ST18: variants seen among roughly 807,000 people sequenced by gnomAD.
ST18 encodes the protein ST18 C2H2C-type zinc finger transcription factor.
Under a neutral mutation model 110.0 loss-of-function variants are expected in ST18, and 50 were observed. The observed-to-expected ratio is 0.45, with a 90% confidence interval of 0.36 to 0.58. ST18 has a LOEUF of 0.58. Ranked by LOEUF, ST18 falls within the 20% of genes least tolerant of loss-of-function variation. ST18 has a pLI of 0.00. For synonymous variants in ST18, 461 were observed against 452.4 expected (o/e 1.02, Z -0.24); for missense variants, 1,306 against 1,280.1 (o/e 1.02, Z -0.31).
At chr8:52,286,247 G>A (rs1016517422) in intron 2 of ST18, among the ~76,000 whole-genome samples, 1 of 152,158 alleles carries the variant, frequency 6.6e-6, no homozygotes, top group Admixed American at 6.5e-5. Flanking sequence ...GGAAGAGTGT[G>A]AGCTTTAAAA....
intron 2 of ST18, among the ~76,000 whole-genome samples, chr8:52,280,315 C>G (rs960732666): frequency 6.6e-6 from 1 of 152,006 alleles, no homozygotes; most frequent in African/African-American, 2.4e-5. Flanking sequence ...GGGGACTAAT[C>G]TTTCTAGTCA....
At chr8:52,312,734 C>G (rs2095943579) in intron 2 of ST18, among the ~76,000 whole-genome samples, 1 of 152,170 alleles carries the variant, frequency 6.6e-6, no homozygotes, top group Admixed American at 6.5e-5. Flanking sequence ...AAATGCCTGG[C>G]CACAAGAAAG....
chr8:52,203,525 T>C (rs2078774732), intron 8 of ST18, among the ~76,000 whole-genome samples: 1 of 152,166 alleles, frequency 6.6e-6, no homozygotes, highest in Non-Finnish European at 1.5e-5. Flanking sequence ...GTCAACATTA[T>C]GGGACACATT....
intron 2 of ST18, among the ~76,000 whole-genome samples, chr8:52,239,588 C>T (rs1278137642): frequency 6.6e-6 from 1 of 150,524 alleles, no homozygotes; most frequent in African/African-American, 2.5e-5. Flanking sequence ...GTTCTAACCC[C>T]ATTATAAAAA....
At chr8:52,311,429 A>T (rs1383172028) in intron 2 of ST18, among the ~76,000 whole-genome samples, 11 of 152,166 alleles carry the variant, frequency 7.2e-5, no homozygotes, top group African/African-American at 2.7e-4. Flanking sequence ...TGCCTGTGAG[A>T]CTTCCCCCTC....
intron 8 of ST18, among the ~76,000 whole-genome samples, chr8:52,209,662 C>T (rs2081377736): frequency 6.6e-6 from 1 of 150,880 alleles, no homozygotes; most frequent in East Asian, 2.0e-4. Flanking sequence ...CCCAGCTACT[C>T]GACAGGCTGA....
chr8:52,216,706 T>G (rs2084370414), intron 6 of ST18, among the ~76,000 whole-genome samples: 1 of 152,216 alleles, frequency 6.6e-6, no homozygotes, highest in African/African-American at 2.4e-5. Context: ...AAATAGGTTT[T>G]GGTTTCTAGA....
At chr8:52,271,917 G>T (rs1047734882) in intron 2 of ST18, among the ~76,000 whole-genome samples, 1 of 152,194 alleles carries the variant, frequency 6.6e-6, no homozygotes, top group Non-Finnish European at 1.5e-5. Flanking sequence ...CCATCAAATC[G>T]AAGAGAGAGC....
At chr8:52,215,459 T>TTCACCTGCAACACTA (rs1401030465) in intron 6 of ST18, among the ~76,000 whole-genome samples, 1 of 152,234 alleles carries the variant, frequency 6.6e-6, no homozygotes, top group Admixed American at 6.5e-5. Context: ...TGTGCATTTT[T>TTCACCTGCAACACTA]TCACCTGCAA....
At chr8:52,194,954 A>T (rs966716479) in intron 8 of ST18, among the ~76,000 whole-genome samples, 1 of 152,244 alleles carries the variant, frequency 6.6e-6, no homozygotes. Context: ...ATACACCAAC[A>T]TTTGAAATAC....
intron 2 of ST18, among the ~76,000 whole-genome samples, chr8:52,272,235 C>A (rs78336033): frequency 0.039 from 5,939 of 151,900 alleles, 412 homozygotes; most frequent in African/African-American, 0.14. Context: ...AAGCTTCTGC[C>A]CAGGAAAGGG....
chr8:52,202,551 C>G (rs1465257995), intron 8 of ST18, among the ~76,000 whole-genome samples: 4 of 152,160 alleles, frequency 2.6e-5, no homozygotes, highest in African/African-American at 9.6e-5. Context: ...AGCTACAATT[C>G]AAAGTAATAA....
At position 52,166,949 on chromosome 8, in the gene ST18, C is replaced by T. The variant is rs139354986; in HGVS notation, c.1107G>A (p.Pro369=). Residue 369 remains proline (P), a synonymous_variant, in exon 11 of 26, where the codon CCG becomes CCA. Coordinates refer to ENST00000689386, the MANE Select transcript of ST18 (RefSeq NM_001352837.2). ...PRPEKRETKC[P]IPGCDGTGHV... is the part of the protein sequence containing the mutation. Reference sequence around the variant, plus strand: ...GTCCCGTGCCATCACATCCAGGGATCGGGCACTTGGTCTCCCTCTTTTCAG... The same window carrying T: ...GTCCCGTGCCATCACATCCAGGGATTGGGCACTTGGTCTCCCTCTTTTCAG... 1.7e-4 allele frequency: 277 copies of T among 1,611,982 alleles called. 1 individual carries two copies. The African/African-American group carries it at 2.7e-3, about 16-fold the overall frequency.
At chr8:52,249,680 T>A (rs934575962) in intron 2 of ST18, among the ~76,000 whole-genome samples, 2 of 151,742 alleles carry the variant, frequency 1.3e-5, no homozygotes, top group Non-Finnish European at 2.9e-5. Flanking sequence ...ACTAAAAAAA[T>A]AAAAAAAATT....
chr8:52,126,032 AG>A lies in ST18; in HGVS notation c.2755+19del, dbSNP rs2046936074. On this transcript the variant is annotated intron_variant, in intron 23 of 25. Transcript: ENST00000689386. ...TCTACACCCTGCAGGAGGTGGTGAC[AG>A]CCAGCCCTGTGCTCTTACCCCCAGT... 1 of 1,612,002 alleles carries A rather than the reference AG, an allele frequency of 6.2e-7. No homozygotes were observed. Among genetic ancestry groups the A allele is most frequent in the South Asian group, 1.1e-5 (1 of 90,964 alleles).
intron 3 of ST18, among the ~76,000 whole-genome samples, chr8:52,224,898 G>C (rs2088645610): frequency 6.6e-6 from 1 of 152,218 alleles, no homozygotes; most frequent in South Asian, 2.1e-4. Context: ...ATTTTTATTA[G>C]TTTGCCCAGC....
At chr8:52,367,587 T>C (rs1249291502) in intron 2 of ST18, among the ~76,000 whole-genome samples, 4 of 152,214 alleles carry the variant, frequency 2.6e-5, no homozygotes, top group Non-Finnish European at 4.4e-5. Flanking sequence ...CATTAATTTT[T>C]AATCTTTGAA....
chr8:52,131,858 T>C (rs1237433467), intron 22 of ST18, 100 bp downstream of exon 22: 1 of 1,072,566 alleles, frequency 9.3e-7, no homozygotes, highest in Non-Finnish European at 1.4e-6. Context: ...ACTGCTACAG[T>C]GAACAACCTT....
chr8:52,330,420 C>T (rs1170288042), intron 2 of ST18, among the ~76,000 whole-genome samples: 2 of 152,202 alleles, frequency 1.3e-5, no homozygotes, highest in Non-Finnish European at 2.9e-5. Context: ...GGCCAATACA[C>T]CTCTTTCATA....
Sources: allele counts gnomAD v4.1 joint callset (sites outside exome capture counted in the v4.1 genomes callset), GRCh38; gene constraint gnomAD v4.1.1; transcripts MANE v1.5; gene names NCBI Gene and HGNC (gene_info 2026-07-23, HGNC 2026-07-21).